Variants in FGG observed in about 807,000 individuals in gnomAD.
FGG encodes fibrinogen, gamma polypeptide.
In FGG, 20 loss-of-function variants were observed where a neutral mutation model predicts 51.7. The ratio of observed to expected loss-of-function variants is 0.39; its 90% CI spans 0.27 to 0.56. The LOEUF (loss-of-function observed/expected upper bound fraction) is 0.56, where lower values mean the gene tolerates loss of function less well. Ranked by LOEUF, FGG falls within the 20% of genes least tolerant of loss-of-function variation. The probability of loss-of-function intolerance (pLI) is 0.64; values close to 1 mark genes in which losing one functional copy is unlikely to be tolerated. For missense variants in FGG, 460 were observed against 534.2 expected, an observed-to-expected ratio of 0.86 and a Z score of 1.37; for synonymous variants, 184 against 184.7, an observed-to-expected ratio of 1.00 and a Z score of 0.03.
chr4:154,605,146 G>T, intron 8 of FGG, 80 bp from the exon 9 acceptor site: 1 of 1,432,258 alleles, frequency 7.0e-7, no homozygotes, highest in Non-Finnish European at 9.8e-7. Flanking sequence ...TGTCTATTAC[G>T]AAGTGCATTG....
At chr4:154,609,888 C>G (rs1321451780) in intron 5 of FGG, 125 bp from the exon 6 acceptor site, 90 of 1,533,462 alleles carry the variant, frequency 5.9e-5, no homozygotes, top group Non-Finnish European at 7.9e-5. Context: ...TTACTTTTCA[C>G]ATCAGCATTC....
Position 154,612,182 on chromosome 4 carries a change from G to A in FGG, c.143C>T (p.Thr48Ile), listed in dbSNP as rs1236445818. The A allele has an allele frequency of 5.6e-6, 9 of 1,610,130 alleles. No individual in the cohort carries two copies. The highest frequency in any genetic ancestry group is 1.3e-5 in the African/African-American group (1 of 74,840). Residue 48 changes from threonine (T) to isoleucine (I), a missense_variant, in exon 3 of 9, where the codon ACC becomes ATC. Around this residue, in one of 3 missense-constraint regions of FGG, gnomAD observed 353 missense variants for 391.7 expected, o/e 0.90. Coordinates refer to ENST00000336098, the MANE Select transcript of FGG (RefSeq NM_021870.3). ...AGACAGGAAATCTGCAATGCCACAG[G>A]TAGTTGGACAATAACTACCCTGAAA... is the stretch of plus-strand genomic sequence containing the variant. ...DERFGSYCPT[T>I]CGIADFLSTY...
intron 4 of FGG, 99 bp from the exon 5 acceptor site, chr4:154,610,296 TTTC>T (rs1731184492): frequency 1.1e-6 from 1 of 932,114 alleles, no homozygotes; most frequent in African/African-American, 1.7e-5. Flanking sequence ...TGCTAAGTAT[TTTC>T]TTAAGAAGTG....
chr4:154,605,112 T>A lies in FGG; in HGVS notation c.1130-46A>T, dbSNP rs760272371. 4 of 1,610,418 alleles carry A rather than the reference T, an allele frequency of 2.5e-6. No homozygotes were observed. In the African/African-American group the frequency reaches 4.0e-5, roughly 16 times the overall value. On this transcript the variant is annotated intron_variant, in intron 8 of 8. Transcript: ENST00000336098. ...ACATATCATTATTCTGGAATCTTTT[T>A]ACCTCTGCAAGTCTATGAAGAGCTG...
intron 8 of FGG, 64 bp from the exon 9 acceptor site, chr4:154,605,130 A>T (rs930964429): frequency 2.0e-5 from 31 of 1,572,014 alleles, no homozygotes; most frequent in Non-Finnish European, 2.5e-5. Flanking sequence ...CAAGTCTATG[A>T]AGAGCTGTCT....
At chr4:154,605,529 G>A (rs1050974803) in intron 8 of FGG, among the ~76,000 whole-genome samples, 1 of 152,098 alleles carries the variant, frequency 6.6e-6, no homozygotes, top group African/African-American at 2.4e-5. Context: ...CCATTTTAAA[G>A]TGCAGCCTCT....
At chr4:154,608,411 G>A (rs1319476249) in intron 7 of FGG, 55 bp downstream of exon 7, 1 of 1,535,686 alleles carries the variant, frequency 6.5e-7, no homozygotes, top group East Asian at 2.3e-5. Flanking sequence ...GTTGGAAAGT[G>A]CACATTCCAG....
intron 6 of FGG, among the ~76,000 whole-genome samples, 167 bp from the exon 7 acceptor site, chr4:154,608,817 T>C (rs995710921): frequency 6.6e-6 from 1 of 152,098 alleles, no homozygotes; most frequent in Non-Finnish European, 1.5e-5. Context: ...ATAGGAAAAA[T>C]GATGGTTACT....
chr4:154,607,016 A>G, intron 7 of FGG, 34 bp from the exon 8 acceptor site: 1 of 1,536,478 alleles, frequency 6.5e-7, no homozygotes, highest in Non-Finnish European at 8.8e-7. Flanking sequence ...TCACATGCTG[A>G]CCCTCCTCAG....
In FGG at chr4:154,612,135, T is replaced by C. The variant is rs1300974705; in HGVS notation, c.190A>G (p.Lys64Glu). 1 of 1,612,428 alleles carries C rather than the reference T, an allele frequency of 6.2e-7. No individual in the cohort carries two copies. Among genetic ancestry groups the C allele is most frequent in the Non-Finnish European group, 8.5e-7 (1 of 1,179,470 alleles). ...ATGTCTTCCAAAGACTGTAGATCCT[T>C]GTCTACTTTGGTTTGATAAGTAGAC... ...FLSTYQTKVD[K>E]DLQSLEDILH... The change falls in exon 3 of 9, where the codon AAG (lysine) becomes GAG (glutamate). Residue 64 changes from lysine (K) to glutamate (E), a missense_variant. Lys to Glu is a moderately conservative substitution (Grantham distance 56, BLOSUM62 1). Transcript: ENST00000336098.
chr4:154,612,328 T>A, intron 2 of FGG, 63 bp downstream of exon 2: 1 of 1,588,676 alleles, frequency 6.3e-7, no homozygotes, highest in South Asian at 1.1e-5. Context: ...ATGAGGGAAT[T>A]ATTTCTATTC....
chr4:154,609,567 A>G (rs1418493134), intron 6 of FGG, 63 bp downstream of exon 6: 9 of 1,576,900 alleles, frequency 5.7e-6, no homozygotes, highest in Non-Finnish European at 7.0e-6. Flanking sequence ...TTAGAAAAGT[A>G]TCTGCCATAT....
Position 154,612,594 on chromosome 4 carries a change from G to A in FGG, c.16C>T (p.His6Tyr), listed in dbSNP as rs202138176. The A allele has an allele frequency of 6.2e-7, 1 of 1,613,818 alleles. No individual in the cohort carries two copies. Among genetic ancestry groups the A allele is most frequent in the Non-Finnish European group, 8.5e-7 (1 of 1,179,862 alleles). Residue 6 changes from histidine (H) to tyrosine (Y), a missense_variant, in exon 1 of 9, where the codon CAC becomes TAC. Transcript: ENST00000336098. ...AAGTAGAGAATTAAATTCCGGGGGT[G>A]CAAGGACCAACTCATGATGTCTGAG... The part of the protein sequence containing the change: MSWSL[H>Y]PRNLILYFYA...
Position 154,604,736 on chromosome 4 carries a change from A to G in FGG, c.*98T>C. On this transcript the variant is annotated 3_prime_UTR_variant, in exon 9 of 9. Coordinates refer to ENST00000336098, the MANE Select transcript of FGG (RefSeq NM_021870.3). ...ATTGAAGGCTAAATGTCCTTAATAG[A>G]AGACTTGAAATCAATAAATATAGTA... The G allele has an allele frequency of 1.3e-6, 2 of 1,574,350 alleles. No homozygotes were observed. The highest frequency in any genetic ancestry group is 1.7e-6 in the Non-Finnish European group (2 of 1,163,318).
intron 5 of FGG, 83 bp from the exon 6 acceptor site, chr4:154,609,846 A>G (rs1166668649): frequency 3.1e-6 from 5 of 1,588,150 alleles, no homozygotes; most frequent in Non-Finnish European, 2.6e-6. Flanking sequence ...TTTAACATGT[A>G]GTAAACTATT....
rs778923095 is a variant in FGG, at chr4:154,604,389, A to G, written c.*445T>C. On this transcript the variant is annotated 3_prime_UTR_variant, in exon 9 of 9. Coordinates refer to ENST00000336098, the MANE Select transcript of FGG (RefSeq NM_021870.3). The stretch of plus-strand genomic sequence containing the variant: ...TATAACAAAACAAAAACCATATTAA[A>G]AAGACATAATTTTCTCCATTTAAAA... 2.0e-6 allele frequency: 3 copies of G among 1,470,966 alleles called. No individual in the cohort carries two copies. In the African/African-American group the frequency reaches 4.4e-5, roughly 21 times the overall value. 91.1% of individuals were successfully genotyped at this position (1,470,966 alleles called of 1,614,324 possible). A position where few individuals can be genotyped will look rare whatever the true frequency, so the allele number is the denominator to read the frequency against.
At chr4:154,610,871 G>C (rs1221569225) in intron 4 of FGG, among the ~76,000 whole-genome samples, 1 of 152,100 alleles carries the variant, frequency 6.6e-6, no homozygotes. Flanking sequence ...TTACTTACAG[G>C]GTGGCTTGCA....
At position 154,606,884 on chromosome 4, in the gene FGG, T is replaced by C. The variant is rs1731107984; in HGVS notation, c.950A>G (p.Asp317Gly). The C allele has an allele frequency of 6.2e-7, 1 of 1,613,808 alleles. No individual in the cohort carries two copies. Among genetic ancestry groups the C allele is most frequent in the South Asian group, 1.1e-5 (1 of 91,072 alleles). ...AGGATCATCGCCAAAATCAAAGCCA[T>C]CAAAGGCATCTCCAGCATCCCCACC... Reference protein sequence around the residue: ...FAGGDAGDAFDGFDFGDDPSD... With the variant: ...FAGGDAGDAFGGFDFGDDPSD... The change falls in exon 8 of 9, where the codon GAT (aspartate) becomes GGT (glycine). Residue 317 changes from aspartate (D) to glycine (G), a missense_variant. Around this residue, in one of 3 missense-constraint regions of FGG, gnomAD observed 353 missense variants for 391.7 expected, o/e 0.90. Transcript: ENST00000336098.
At chr4:154,609,484 A>C (rs573067570) in intron 6 of FGG, 146 bp downstream of exon 6, 19 of 955,586 alleles carry the variant, frequency 2.0e-5, no homozygotes, top group Non-Finnish European at 3.0e-5. Flanking sequence ...CCTTTTCTGT[A>C]AATAGGAGTA....
Sources: gnomAD v4.1 joint callset for allele counts (sites outside exome capture counted in the v4.1 genomes callset) on GRCh38, gnomAD v4.1.1 for gene constraint, gnomAD v4.1.1 regional missense constraint, MANE v1.5 for transcripts, NCBI Gene and HGNC (gene_info 2026-07-23, HGNC 2026-07-21) for gene names.